ANO10: variants seen among roughly 807,000 people sequenced by gnomAD.
ANO10 encodes the protein anoctamin-10.
A neutral mutation model predicts 74.7 loss-of-function variants in ANO10; 77 were observed. That is an observed-to-expected ratio of 1.03 (90% CI 0.86 to 1.25). The LOEUF is 1.25. ANO10 is among the 50% of genes most tolerant of loss of function. The pLI, the probability that ANO10 is intolerant of heterozygous loss-of-function variation, is 0.00. For missense variants in ANO10, 721 were observed against 778.1 expected, an observed-to-expected ratio of 0.93 and a Z score of 0.87; for synonymous variants, 279 against 284.9, an observed-to-expected ratio of 0.98 and a Z score of 0.21.
chr3:43,398,251 T>C (rs1338547308), intron 12 of ANO10, among the ~76,000 whole-genome samples: 1 of 152,246 alleles, frequency 6.6e-6, no homozygotes, highest in East Asian at 1.9e-4. Flanking sequence ...GGCTTTAACT[T>C]TTAAAAACTG....
intron 12 of ANO10, among the ~76,000 whole-genome samples, chr3:43,382,659 T>A (rs1378976582): frequency 6.6e-6 from 1 of 151,584 alleles, no homozygotes; most frequent in Non-Finnish European, 1.5e-5. Flanking sequence ...AGAGAGAAGA[T>A]CCAAATAAGC....
At chr3:43,631,488 G>A (rs550353690) in intron 1 of ANO10, among the ~76,000 whole-genome samples, 11 of 152,264 alleles carry the variant, frequency 7.2e-5, no homozygotes, top group African/African-American at 2.4e-4. Flanking sequence ...GTTGCCAACT[G>A]ATTTTCTATA....
Position 43,576,849 on chromosome 3 carries a change from A to C in ANO10, c.1005T>G (p.Ile335Met). Reference protein sequence around the residue: ...CLYFSLYVMMIYFDMEVWALG... With the variant: ...CLYFSLYVMMMYFDMEVWALG... Reference sequence around the variant, plus strand: ...AGGCCCAAACCTCCATGTCGAAGTAAATCATCATGACATACAGTGAGAAAT... The same window carrying C: ...AGGCCCAAACCTCCATGTCGAAGTACATCATCATGACATACAGTGAGAAAT... The change falls in exon 6 of 13, where the codon ATT (isoleucine) becomes ATG (methionine). Residue 335 changes from isoleucine (I) to methionine (M), a missense_variant. Coordinates refer to ENST00000292246, the MANE Select transcript of ANO10 (RefSeq NM_018075.5). The C allele has an allele frequency of 6.2e-7, 1 of 1,614,192 alleles. No individual in the cohort carries two copies. Among genetic ancestry groups the C allele is most frequent in the Non-Finnish European group, 8.5e-7 (1 of 1,180,022 alleles).
At chr3:43,404,456 G>C (rs2092539045) in intron 12 of ANO10, among the ~76,000 whole-genome samples, 1 of 152,168 alleles carries the variant, frequency 6.6e-6, no homozygotes, top group East Asian at 1.9e-4. Flanking sequence ...TTAGATTGCA[G>C]CCTACTAAGA....
At chr3:43,678,360 A>G (rs2084149725) in intron 1 of ANO10, among the ~76,000 whole-genome samples, 1 of 152,168 alleles carries the variant, frequency 6.6e-6, no homozygotes, top group Admixed American at 6.5e-5. Context: ...CTGCCTCCAA[A>G]GAAAGAAGTA....
chr3:43,534,177 T>C (rs2078596758), intron 11 of ANO10, among the ~76,000 whole-genome samples: 1 of 151,880 alleles, frequency 6.6e-6, no homozygotes, highest in African/African-American at 2.4e-5. Flanking sequence ...AGAAGATAAT[T>C]ATTTATGTAA....
chr3:43,573,825 A>G (rs1369206967), intron 7 of ANO10, among the ~76,000 whole-genome samples: 1 of 152,222 alleles, frequency 6.6e-6, no homozygotes, highest in East Asian at 1.9e-4. Context: ...ATTTTTTTTA[A>G]TGTAATATTC....
chr3:43,558,881 A>C (rs1212052248), intron 9 of ANO10, among the ~76,000 whole-genome samples: 1 of 152,154 alleles, frequency 6.6e-6, no homozygotes. Context: ...GGAGTGGGAA[A>C]TGGCCAGATC....
At chr3:43,654,044 G>C (rs570091727) in intron 1 of ANO10, among the ~76,000 whole-genome samples, 2 of 151,670 alleles carry the variant, frequency 1.3e-5, no homozygotes, top group African/African-American at 4.9e-5. Context: ...ACTGACACCA[G>C]GGAAGGGCAG....
At chr3:43,673,007 T>G (rs1219048337) in intron 1 of ANO10, among the ~76,000 whole-genome samples, 2 of 152,204 alleles carry the variant, frequency 1.3e-5, no homozygotes, top group Non-Finnish European at 2.9e-5. Flanking sequence ...ACAGTACGAT[T>G]ACTAGTTTTG....
intron 4 of ANO10, among the ~76,000 whole-genome samples, chr3:43,595,623 G>T (rs886400950): frequency 3.3e-5 from 5 of 152,080 alleles, no homozygotes; most frequent in Admixed American, 2.6e-4. Flanking sequence ...AAAATAATAA[G>T]AGCTATTTAT....
At chr3:43,373,647 G>C (rs2091696362) in intron 12 of ANO10, among the ~76,000 whole-genome samples, 1 of 152,224 alleles carries the variant, frequency 6.6e-6, no homozygotes. Context: ...TTCCCATGGA[G>C]AGTGAGGTGC....
chr3:43,380,875 G>T (rs2091941394), intron 12 of ANO10, among the ~76,000 whole-genome samples: 1 of 152,200 alleles, frequency 6.6e-6, no homozygotes, highest in African/African-American at 2.4e-5. Flanking sequence ...TTCTCACGCT[G>T]CTATGAAGAA....
At chr3:43,565,876 C>A in intron 7 of ANO10, 149 bp from the exon 8 acceptor site, 1 of 786,790 alleles carries the variant, frequency 1.3e-6, no homozygotes, top group Non-Finnish European at 2.1e-6. Flanking sequence ...AGCTCCCAGC[C>A]TGAGCGACGC....
chr3:43,462,340 C>T (rs2075415856), intron 11 of ANO10, among the ~76,000 whole-genome samples: 1 of 152,146 alleles, frequency 6.6e-6, no homozygotes, highest in Admixed American at 6.5e-5. Flanking sequence ...AGTGATTCTC[C>T]TGCCCCAGCC....
intron 6 of ANO10, 146 bp downstream of exon 6, chr3:43,576,546 A>G: frequency 5.3e-6 from 4 of 749,394 alleles, no homozygotes; most frequent in Non-Finnish European, 8.9e-6. Flanking sequence ...AGTGTTCACA[A>G]AGCTGATAAA....
At chr3:43,441,788 A>G (rs1387956044) in intron 11 of ANO10, among the ~76,000 whole-genome samples, 1 of 152,306 alleles carries the variant, frequency 6.6e-6, no homozygotes, top group Middle Eastern at 3.4e-3. Flanking sequence ...TCAACAACAC[A>G]TTAAAAAAAT....
chr3:43,566,730 T>A (rs2149365565), intron 7 of ANO10, among the ~76,000 whole-genome samples: 1 of 152,268 alleles, frequency 6.6e-6, no homozygotes, highest in East Asian at 1.9e-4. Flanking sequence ...ACCACAAAGA[T>A]GGGGAAAAAC....
chr3:43,690,677 T>C (rs2084348904), intron 1 of ANO10: 1 of 354,018 alleles, frequency 2.8e-6, no homozygotes, highest in African/African-American at 2.1e-5. Context: ...ATACAGTCAT[T>C]ATTCAAATTA....
Sources: gnomAD v4.1 joint callset for allele counts (sites outside exome capture counted in the v4.1 genomes callset) on GRCh38, gnomAD v4.1.1 for gene constraint, MANE v1.5 for transcripts, NCBI Gene and HGNC (gene_info 2026-07-23, HGNC 2026-07-21) for gene names.